The following TJP2 variants were observed in gnomAD, a reference collection of about 807,000 sequenced individuals.
The protein encoded by TJP2 is Friedreich ataxia region gene X104 (tight junction protein ZO-2).
TJP2 carries 91 observed loss-of-function variants against 133.1 expected under a neutral mutation model. The ratio of observed to expected loss-of-function variants is 0.68; its 90% CI spans 0.58 to 0.81. TJP2 has a LOEUF of 0.81. Ranked by LOEUF, TJP2 falls within the 40% of genes least tolerant of loss-of-function variation. TJP2 has a pLI of 0.00. For missense variants in TJP2, 1,541 were observed against 1,565.6 expected, an observed-to-expected ratio of 0.98 and a Z score of 0.26; for synonymous variants, 592 against 583.4, an observed-to-expected ratio of 1.01 and a Z score of -0.21.
intron 1 of TJP2, among the ~76,000 whole-genome samples, chr9:69,189,087 C>T (rs1826041447): frequency 6.6e-6 from 1 of 152,158 alleles, no homozygotes; most frequent in Non-Finnish European, 1.5e-5. Context: ...GACTAGTCAG[C>T]TTTCTTCTAC....
At chr9:69,220,050 T>G (rs1426191987) in intron 4 of TJP2, among the ~76,000 whole-genome samples, 1 of 152,006 alleles carries the variant, frequency 6.6e-6, no homozygotes, top group Non-Finnish European at 1.5e-5. Context: ...ATCGGGAGGG[T>G]GAGGCACGAG....
At chr9:69,222,550 G>C (rs956458255) in intron 5 of TJP2, among the ~76,000 whole-genome samples, 1 of 152,166 alleles carries the variant, frequency 6.6e-6, no homozygotes, top group Non-Finnish European at 1.5e-5. Context: ...TTAATCCTCA[G>C]AACTACCTCA....
At chr9:69,212,428 C>G in intron 1 of TJP2, 120 bp from the exon 2 acceptor site, 1 of 765,774 alleles carries the variant, frequency 1.3e-6, no homozygotes, top group Non-Finnish European at 2.3e-6. Flanking sequence ...GATATTAACT[C>G]TTTTTTGGTA....
intron 20 of TJP2, among the ~76,000 whole-genome samples, chr9:69,250,088 T>C (rs1037144661): frequency 6.6e-6 from 1 of 152,200 alleles, no homozygotes; most frequent in Non-Finnish European, 1.5e-5. Flanking sequence ...CCTATTTAAC[T>C]CAATAATTTA....
At chr9:69,223,251 G>A (rs1314117939) in intron 5 of TJP2, among the ~76,000 whole-genome samples, 1 of 152,022 alleles carries the variant, frequency 6.6e-6, no homozygotes, top group African/African-American at 2.4e-5. Flanking sequence ...CTTTTACGTA[G>A]TCCTCACAAG....
At chr9:69,122,911 G>A (rs1188932329) in intron 1 of TJP2, among the ~76,000 whole-genome samples, 1 of 152,126 alleles carries the variant, frequency 6.6e-6, no homozygotes, top group Non-Finnish European at 1.5e-5. Context: ...TCGTTTCCTG[G>A]TGAGGAACCT....
chr9:69,172,352 A>G (rs1202664416), upstream of TJP2, among the ~76,000 whole-genome samples: 1 of 152,276 alleles, frequency 6.6e-6, no homozygotes, highest in African/African-American at 2.4e-5. Flanking sequence ...GCAGTCCAAC[A>G]GAACTTTCTG....
In TJP2 at chr9:69,229,255, G is replaced by A. The variant is rs1829583440; in HGVS notation, c.1520+5G>A. 6 of 1,613,020 alleles carry A rather than the reference G, an allele frequency of 3.7e-6. No individual in the cohort carries two copies. The highest frequency in any genetic ancestry group is 5.1e-6 in the Non-Finnish European group (6 of 1,179,016). On this transcript the variant is annotated splice_donor_5th_base_variant and intron_variant, in intron 10 of 22. Transcript: ENST00000377245. Reference sequence around the variant, plus strand: ...TGAAGATGAAGCAATATATGGGTATGTATTTCCGTCTCTCTTTGTTTTCCC... The same window carrying A: ...TGAAGATGAAGCAATATATGGGTATATATTTCCGTCTCTCTTTGTTTTCCC...
intron 5 of TJP2, among the ~76,000 whole-genome samples, chr9:69,224,428 A>G (rs1829162938): frequency 1.3e-5 from 2 of 152,176 alleles, no homozygotes; most frequent in South Asian, 2.1e-4. Flanking sequence ...CTGTAATCCT[A>G]GCACTTTGGG....
intron 11 of TJP2, among the ~76,000 whole-genome samples, chr9:69,232,252 C>T (rs1829841941): frequency 6.6e-6 from 1 of 152,162 alleles, no homozygotes; most frequent in South Asian, 2.1e-4. Context: ...AATAAATTTT[C>T]TGTTGACTAC....
At chr9:69,212,122 A>G (rs948528903) in intron 1 of TJP2, among the ~76,000 whole-genome samples, 1 of 152,192 alleles carries the variant, frequency 6.6e-6, no homozygotes, top group African/African-American at 2.4e-5. Context: ...ACCCTATGAT[A>G]AGGCTAAGGA....
intron 2 of TJP2, among the ~76,000 whole-genome samples, chr9:69,162,001 G>A (rs1824100767): frequency 6.7e-6 from 1 of 149,952 alleles, no homozygotes; most frequent in Admixed American, 6.6e-5. Context: ...CCAAGATCAT[G>A]CCATGGTACT....
At chr9:69,235,387 A>G (rs949080388) in intron 12 of TJP2, among the ~76,000 whole-genome samples, 30 of 151,858 alleles carry the variant, frequency 2.0e-4, no homozygotes, top group Non-Finnish European at 7.4e-5. Flanking sequence ...CAGTGGAGCA[A>G]TCTTGGCTCA....
At chr9:69,200,605 C>T (rs1266889767) in intron 1 of TJP2, among the ~76,000 whole-genome samples, 1 of 152,112 alleles carries the variant, frequency 6.6e-6, no homozygotes, top group African/African-American at 2.4e-5. Context: ...TGTTGCCTAG[C>T]CCAGTCTTGA....
intron 11 of TJP2, among the ~76,000 whole-genome samples, chr9:69,230,662 T>G: frequency 6.6e-6 from 1 of 152,160 alleles, no homozygotes. Context: ...TGGAATTTCG[T>G]CCCAGCCTCT....
chr9:69,204,881 ACTCGGATG>A (rs1225042222), intron 1 of TJP2: 2 of 1,208,022 alleles, frequency 1.7e-6, no homozygotes, highest in Non-Finnish European at 2.1e-6. Flanking sequence ...AGAAATATCT[ACTCGGATG>A]CTCTAGTTCC....
chr9:69,184,142 C>T (rs186925356), intron 1 of TJP2, among the ~76,000 whole-genome samples: 1 of 152,148 alleles, frequency 6.6e-6, no homozygotes, highest in Non-Finnish European at 1.5e-5. Context: ...TCAGTTTTCT[C>T]AGTTGTAAAA....
At chr9:69,210,802 A>G (rs1376508433) in intron 1 of TJP2, among the ~76,000 whole-genome samples, 4 of 138,938 alleles carry the variant, frequency 2.9e-5, no homozygotes, top group Non-Finnish European at 4.5e-5. Context: ...TATGTTGCTC[A>G]GGTTGGTCGT....
At chr9:69,215,615 G>A (rs930724461) in intron 2 of TJP2, among the ~76,000 whole-genome samples, 22 of 151,782 alleles carry the variant, frequency 1.4e-4, no homozygotes, top group Non-Finnish European at 2.4e-4. Flanking sequence ...TGAGCTGCTG[G>A]ACTCAAGCAA....
Sources: gnomAD v4.1 joint callset for allele counts (sites outside exome capture counted in the v4.1 genomes callset) on GRCh38, gnomAD v4.1.1 for gene constraint, MANE v1.5 for transcripts, NCBI Gene and HGNC (gene_info 2026-07-23, HGNC 2026-07-21) for gene names.